NBAS: variants seen among roughly 807,000 people sequenced by gnomAD.
The protein encoded by NBAS is NBAS subunit of NRZ tethering complex, also known as NAG/BC035112 fusion.
Under a neutral mutation model 302.5 loss-of-function variants are expected in NBAS, and 219 were observed. That is an observed-to-expected ratio of 0.72 (90% CI 0.65 to 0.81). NBAS has a LOEUF of 0.81. Ranked by LOEUF, NBAS falls within the 30% of genes least tolerant of loss-of-function variation. The pLI, the probability that NBAS is intolerant of heterozygous loss-of-function variation, is 0.00. For synonymous variants in NBAS, 1,118 were observed against 1,021.6 expected (o/e 1.09, Z -1.80); for missense variants, 2,932 against 2,841.6 (o/e 1.03, Z -0.72).
chr2:15,046,928 T>A, the NBAS span, among the ~76,000 whole-genome samples: 1 of 152,232 alleles, frequency 6.6e-6, no homozygotes, highest in East Asian at 1.9e-4. Flanking sequence ...GGAAGACCTA[T>A]AACTGGTCCA....
the NBAS span, among the ~76,000 whole-genome samples, chr2:14,990,995 G>A: frequency 6.6e-6 from 1 of 152,138 alleles, no homozygotes; most frequent in East Asian, 1.9e-4. Context: ...GCTTGAAGTG[G>A]GAGTGGGAGT....
chr2:14,999,902 G>A, the NBAS span, among the ~76,000 whole-genome samples: 2 of 152,290 alleles, frequency 1.3e-5, no homozygotes, highest in Non-Finnish European at 2.9e-5. Flanking sequence ...CTGGAAAACA[G>A]GGCTAACAAT....
At chr2:15,385,380 G>A (rs1404931703) in intron 28 of NBAS, among the ~76,000 whole-genome samples, 1 of 152,200 alleles carries the variant, frequency 6.6e-6, no homozygotes, top group Non-Finnish European at 1.5e-5. Flanking sequence ...CAGCCCAGCT[G>A]TTCTTCTGGA....
At chr2:14,960,259 C>A in the NBAS span, among the ~76,000 whole-genome samples, 60 of 152,310 alleles carry the variant, frequency 3.9e-4, no homozygotes, top group African/African-American at 1.3e-3. Context: ...TTCATCCATA[C>A]TCCTCACTGC....
At chr2:15,553,208 C>A (rs567397386) in intron 5 of NBAS, among the ~76,000 whole-genome samples, 1 of 152,070 alleles carries the variant, frequency 6.6e-6, no homozygotes, top group Non-Finnish European at 1.5e-5. Context: ...TAAGAGGCAA[C>A]GGAATGATCT....
At chr2:14,927,476 G>T in the NBAS span, among the ~76,000 whole-genome samples, 1 of 152,156 alleles carries the variant, frequency 6.6e-6, no homozygotes, top group Non-Finnish European at 1.5e-5. Context: ...GGACATTTAG[G>T]CTATCTTCCA....
chr2:14,868,768 T>C, the NBAS span, among the ~76,000 whole-genome samples: 1 of 152,216 alleles, frequency 6.6e-6, no homozygotes, highest in Non-Finnish European at 1.5e-5. Context: ...CCTTTCTTCC[T>C]TTGGAAAAGT....
At chr2:14,793,076 CT>C in the NBAS span, among the ~76,000 whole-genome samples, 2 of 151,784 alleles carry the variant, frequency 1.3e-5, no homozygotes, top group African/African-American at 4.8e-5. Context: ...GTTTCTCTCT[CT>C]CTCTCTCTCT....
chr2:14,829,793 A>G, the NBAS span, among the ~76,000 whole-genome samples: 4 of 152,342 alleles, frequency 2.6e-5, no homozygotes, highest in East Asian at 5.8e-4. Flanking sequence ...CGAGTGAGTA[A>G]ACATCTTGAC....
At chr2:14,820,645 G>A in the NBAS span, among the ~76,000 whole-genome samples, 1 of 152,156 alleles carries the variant, frequency 6.6e-6, no homozygotes, top group Non-Finnish European at 1.5e-5. Flanking sequence ...TAATTTAACT[G>A]TATATTTTAA....
In NBAS at chr2:15,504,132, C is replaced by G. The variant is rs375182585; in HGVS notation, c.954+13G>C. Reference sequence around the variant, plus strand: ...TTTGAGAAGCCCACCATAGTTAAGCCAATTTGTGTTACCTGTTCTTGTCCC... The same window carrying G: ...TTTGAGAAGCCCACCATAGTTAAGCGAATTTGTGTTACCTGTTCTTGTCCC... On this transcript the variant is annotated intron_variant, in intron 11 of 51. Transcript: ENST00000281513. The G allele has an allele frequency of 1.4e-5, 22 of 1,608,908 alleles. No homozygotes were observed. The highest frequency in any genetic ancestry group is 1.8e-5 in the Non-Finnish European group (21 of 1,175,526).
At chr2:15,435,349 T>C (rs77011027) in intron 21 of NBAS, among the ~76,000 whole-genome samples, 1,940 of 152,328 alleles carry the variant, frequency 0.013, 31 homozygotes, top group East Asian at 0.06. Context: ...CTCTAAACTG[T>C]GCTGAATGGA....
intron 9 of NBAS, among the ~76,000 whole-genome samples, chr2:15,517,085 G>A (rs1344543871): frequency 1.3e-5 from 2 of 151,532 alleles, no homozygotes; most frequent in East Asian, 3.9e-4. Flanking sequence ...TCTTGCACAG[G>A]TATATTCATC....
chr2:15,341,294 G>C (rs1672837543), intron 35 of NBAS, among the ~76,000 whole-genome samples: 1 of 152,106 alleles, frequency 6.6e-6, no homozygotes, highest in Non-Finnish European at 1.5e-5. Context: ...GCTGATGCTT[G>C]AGAATTGCTT....
rs186200048 is a variant in NBAS at position 15,212,268 on chromosome 2, C to G, written c.6432+6505G>C. 9.2e-5 allele frequency among the ~76,000 whole-genome samples: 14 copies of G among 152,306 alleles called. No homozygotes were observed. In the East Asian group the frequency reaches 2.7e-3, roughly 29 times the overall value. ...CTCCAGTCCACTGTTCATGCAGAGG[C>G]CAGAGGGCTTCTCCCTAAACATAGA... On this transcript the variant is annotated intron_variant, in intron 48 of 51. Coordinates refer to ENST00000281513, the MANE Select transcript of NBAS (RefSeq NM_015909.4).
chr2:15,084,865 T>G, the NBAS span, among the ~76,000 whole-genome samples: 1 of 152,230 alleles, frequency 6.6e-6, no homozygotes, highest in African/African-American at 2.4e-5. Flanking sequence ...TGAAAGGTAT[T>G]CATTATGTTA....
chr2:15,225,683 A>C (rs913583412), intron 47 of NBAS, among the ~76,000 whole-genome samples: 2 of 152,158 alleles, frequency 1.3e-5, no homozygotes, highest in Non-Finnish European at 2.9e-5. Context: ...AAACCCCCCC[A>C]AAAAACTCAA....
the NBAS span, among the ~76,000 whole-genome samples, chr2:15,160,602 G>GGGGGGGGGGGGGGGGGGGGGGGGC: frequency 8.2e-6 from 1 of 122,600 alleles, no homozygotes; most frequent in South Asian, 3.3e-4. Flanking sequence ...AGGGGGGGGG[G>GGGGGGGGGGGGGGGGGGGGGGGGC]CAGGAGGCTG....
At chr2:15,405,261 C>T (rs556459275) in intron 25 of NBAS, among the ~76,000 whole-genome samples, 1 of 152,234 alleles carries the variant, frequency 6.6e-6, no homozygotes, top group South Asian at 2.1e-4. Context: ...ATAAGATACC[C>T]TTCTCTCTCT....
Sources: allele counts gnomAD v4.1 joint callset (sites outside exome capture counted in the v4.1 genomes callset), GRCh38; gene constraint gnomAD v4.1.1; transcripts MANE v1.5; gene names NCBI Gene and HGNC (gene_info 2026-07-23, HGNC 2026-07-21).